Variants in CAMK2D observed in about 807,000 individuals in gnomAD.
The protein encoded by CAMK2D is calcium/calmodulin dependent protein kinase II delta, also known as calcium/calmodulin-dependent protein kinase type II subunit delta.
A neutral mutation model predicts 84.0 loss-of-function variants in CAMK2D; 37 were observed. That is an observed-to-expected ratio of 0.44 (90% confidence interval 0.34 to 0.58). CAMK2D has a LOEUF of 0.58. Ranked by LOEUF, CAMK2D falls within the 20% of genes least tolerant of loss-of-function variation. CAMK2D has a pLI of 0.02. For missense variants in CAMK2D, 448 were observed against 652.5 expected (o/e 0.69, Z 3.41); for synonymous variants, 202 against 212.5 (o/e 0.95, Z 0.43).
chr4:113,490,409 C>T (rs1336527376), intron 16 of CAMK2D, among the ~76,000 whole-genome samples: 3 of 113,792 alleles, frequency 2.6e-5, no homozygotes, highest in Admixed American at 8.7e-5. Flanking sequence ...AATCCTTTCC[C>T]CATTGCTTGT....
rs1039502621 is a variant in CAMK2D at position 113,451,537 on chromosome 4, G to A, written c.*3008C>T. On this transcript the variant is annotated 3_prime_UTR_variant, in exon 21 of 21. Transcript: ENST00000511664. The stretch of plus-strand genomic sequence containing the variant: ...GAGGGTCAGAGGGAAGAGGTAACTT[G>A]CTCAGAGCATCAAGACAGTGGTGAG... 6.6e-6 allele frequency: 1 copy of A among 152,152 alleles called. No homozygotes were observed. Among genetic ancestry groups the A allele is most frequent in the Non-Finnish European group, 1.5e-5 (1 of 68,038 alleles). 9.4% of individuals were successfully genotyped at this position (152,152 alleles called of 1,614,324 possible). A position where few individuals can be genotyped will look rare whatever the true frequency, so the allele number is the denominator to read the frequency against.
chr4:113,487,400 TACAA>T (rs2097775900), intron 16 of CAMK2D, among the ~76,000 whole-genome samples: 1 of 152,028 alleles, frequency 6.6e-6, no homozygotes, highest in Non-Finnish European at 1.5e-5. Flanking sequence ...TATAAAATAA[TACAA>T]ACTCAGCAAA....
intron 2 of CAMK2D, among the ~76,000 whole-genome samples, chr4:113,750,577 G>A (rs952986275): frequency 6.6e-6 from 1 of 152,214 alleles, no homozygotes; most frequent in Non-Finnish European, 1.5e-5. Context: ...AGGAATGTCT[G>A]TCTTTTACCT....
intron 2 of CAMK2D, among the ~76,000 whole-genome samples, chr4:113,717,363 T>C (rs895915060): frequency 1.3e-5 from 2 of 152,084 alleles, no homozygotes. Context: ...CTACCCAATA[T>C]GAGTTTTTAA....
In CAMK2D at chr4:113,591,068, A is replaced by G. The variant is rs1216517736; in HGVS notation, c.275+18084T>C. ...ATCCTTGCTTTAGTTAGTAAAGGGA[A>G]GGAAGGTCTTCTCTCAAAATCTGCT... On this transcript the variant is annotated intron_variant, in intron 4 of 20. Coordinates refer to ENST00000511664, the MANE Select transcript of CAMK2D (RefSeq NM_001321571.2). Among the ~76,000 whole-genome samples the G allele has an allele frequency of 7.2e-5, 11 of 152,192 alleles. 1 individual carries two copies. Among genetic ancestry groups the G allele is most frequent in the Admixed American group, 6.5e-4 (10 of 15,274 alleles).
intron 16 of CAMK2D, among the ~76,000 whole-genome samples, chr4:113,494,987 C>T (rs2097908844): frequency 6.6e-6 from 1 of 152,234 alleles, no homozygotes; most frequent in South Asian, 2.1e-4. Context: ...CAATGCCTTG[C>T]CCTGCTTCGG....
rs781212292 is a variant in CAMK2D at position 113,509,650 on chromosome 4, T to G, written c.972A>C (p.Pro324=). The change falls in exon 13 of 21, where the codon CCA becomes CCC. Residue 324 remains proline, a synonymous_variant. Transcript: ENST00000511664. ...FSAAKSLLKK[P]DGVKINNKAN... is the part of the protein sequence containing the mutation. ...CTGTTTAACTTACCTTTACTCCATC[T>G]GGTTTCTTCAACAAACTCTTGGCTG... The G allele has an allele frequency of 7.5e-6, 12 of 1,608,236 alleles. No homozygotes were observed. In the South Asian group the frequency reaches 1.2e-4, roughly 16 times the overall value.
intron 3 of CAMK2D, among the ~76,000 whole-genome samples, chr4:113,631,908 A>C (rs920452736): frequency 6.6e-6 from 1 of 152,184 alleles, no homozygotes; most frequent in Admixed American, 6.5e-5. Context: ...CATACACTTG[A>C]AAGTTTTGAA....
At chr4:113,619,547 T>C (rs2099036339) in intron 3 of CAMK2D, among the ~76,000 whole-genome samples, 1 of 152,140 alleles carries the variant, frequency 6.6e-6, no homozygotes, top group Admixed American at 6.6e-5. Context: ...TCCAACTTCA[T>C]TGGCATCCTT....
chr4:113,552,491 C>A (rs1487979462), intron 4 of CAMK2D, among the ~76,000 whole-genome samples: 1 of 152,156 alleles, frequency 6.6e-6, no homozygotes, highest in African/African-American at 2.4e-5. Flanking sequence ...TATCCTTTTG[C>A]TATTTTTGCA....
chr4:113,470,353 T>C (rs2097532056), intron 16 of CAMK2D, among the ~76,000 whole-genome samples: 2 of 152,188 alleles, frequency 1.3e-5, no homozygotes, highest in Non-Finnish European at 2.9e-5. Flanking sequence ...TCTTCAAAAA[T>C]GCCTTCCCTG....
At chr4:113,496,446 CTT>C (rs543371495) in intron 16 of CAMK2D, among the ~76,000 whole-genome samples, 90 of 120,588 alleles carry the variant, frequency 7.5e-4, no homozygotes, top group Admixed American at 1.3e-3. Context: ...CTCCCATTTG[CTT>C]TTTTTTTTTT....
chr4:113,586,541 A>G (rs2098835029), intron 4 of CAMK2D, among the ~76,000 whole-genome samples: 1 of 152,072 alleles, frequency 6.6e-6, no homozygotes, highest in Non-Finnish European at 1.5e-5. Flanking sequence ...TCAGCAAAAC[A>G]CCCCCAAATC....
At chr4:113,676,620 GA>G (rs373833835) in intron 2 of CAMK2D, among the ~76,000 whole-genome samples, 11 of 152,302 alleles carry the variant, frequency 7.2e-5, no homozygotes, top group African/African-American at 2.6e-4. Context: ...AAAGGTACTT[GA>G]AAAACAGCAG....
intron 2 of CAMK2D, among the ~76,000 whole-genome samples, chr4:113,665,210 T>G (rs1592706458): frequency 6.6e-6 from 1 of 152,226 alleles, no homozygotes; most frequent in African/African-American, 2.4e-5. Flanking sequence ...CTATGAATCA[T>G]AGGCATTCTG....
intron 3 of CAMK2D, among the ~76,000 whole-genome samples, chr4:113,609,815 C>G (rs2098992547): frequency 6.6e-6 from 1 of 152,156 alleles, no homozygotes; most frequent in Non-Finnish European, 1.5e-5. Flanking sequence ...ATCCATTTAC[C>G]AAGTCATTAG....
chr4:113,648,823 C>T (rs2099161630), intron 3 of CAMK2D, among the ~76,000 whole-genome samples: 1 of 152,076 alleles, frequency 6.6e-6, no homozygotes, highest in South Asian at 2.1e-4. Context: ...ATATCTTCTG[C>T]CAAAAAGTGA....
rs149464280 is a variant in CAMK2D, at chr4:113,577,102, A to G, written c.276-25006T>C. ...TTCCCCTCCCCCCAGGAAGAGTCCA[A>G]TGAATTCTTTACTTTGGGGTTTTGG... On this transcript the variant is annotated intron_variant, in intron 4 of 20. Transcript: ENST00000511664. 1.3e-3 allele frequency among the ~76,000 whole-genome samples: 204 copies of G among 152,204 alleles called. 2 individuals are homozygous for G. Among genetic ancestry groups the G allele is most frequent in the African/African-American group, 4.4e-3 (182 of 41,550 alleles).
At chr4:113,462,334 G>A (rs5002498) in intron 17 of CAMK2D, among the ~76,000 whole-genome samples, 104,123 of 128,560 alleles carry the variant, frequency 0.81, 42,343 homozygotes, top group East Asian at 0.91. Context: ...CTGTCTGTCT[G>A]TCTGTCTATC....
Sources: allele counts gnomAD v4.1 joint callset (sites outside exome capture counted in the v4.1 genomes callset), GRCh38; gene constraint gnomAD v4.1.1; transcripts MANE v1.5; gene names NCBI Gene and HGNC (gene_info 2026-07-23, HGNC 2026-07-21).